The following BTBD7 variants were observed in gnomAD, a reference collection of about 807,000 sequenced individuals.
BTBD7 encodes the protein BTB/POZ domain-containing protein 7.
In BTBD7, 38 loss-of-function variants were observed where a neutral mutation model predicts 99.9. That is an observed-to-expected ratio of 0.38 (90% CI 0.29 to 0.50). The LOEUF is 0.50. Ranked by LOEUF, BTBD7 falls within the 20% of genes least tolerant of loss-of-function variation. BTBD7 has a pLI of 0.93. For synonymous variants in BTBD7, 520 were observed against 511.4 expected (o/e 1.02, Z -0.23); for missense variants, 1,170 against 1,394.6 (o/e 0.84, Z 2.57).
At chr14:93,261,951 CTATTT>C (rs968016175) in intron 4 of BTBD7, among the ~76,000 whole-genome samples, 2 of 152,042 alleles carry the variant, frequency 1.3e-5, no homozygotes, top group African/African-American at 4.8e-5. Context: ...TGCTCCCTTC[CTATTT>C]TATTTTTTCA....
rs1193209702 is a variant in BTBD7 at position 93,246,230 on chromosome 14, T to C, written c.2178A>G (p.Thr726=). Residue 726 remains threonine, a synonymous_variant, in exon 10 of 11, where the codon ACA becomes ACG. Coordinates refer to ENST00000334746, the MANE Select transcript of BTBD7 (RefSeq NM_001002860.4). ...ERFGDESPLL[T]MRQPGRCRVN... is the part of the protein sequence containing the mutation. Reference sequence around the variant, plus strand: ...CGCGACATCTCCCAGGCTGTCTCATTGTCAAGAGTGGACTTTCATCCCCAA... The same window carrying C: ...CGCGACATCTCCCAGGCTGTCTCATCGTCAAGAGTGGACTTTCATCCCCAA... The C allele has an allele frequency of 1.9e-6, 3 of 1,575,004 alleles. No homozygotes were observed. The highest frequency in any genetic ancestry group is 2.3e-5 in the East Asian group (1 of 44,428).
At chr14:93,304,391 G>A (rs892490355) in intron 1 of BTBD7, among the ~76,000 whole-genome samples, 4 of 152,086 alleles carry the variant, frequency 2.6e-5, no homozygotes, top group Non-Finnish European at 4.4e-5. Context: ...TCGTGCTGTC[G>A]CCCAGGCTGG....
chr14:93,302,137 C>T (rs544301663), intron 1 of BTBD7, among the ~76,000 whole-genome samples: 1 of 152,314 alleles, frequency 6.6e-6, no homozygotes, highest in East Asian at 1.9e-4. Flanking sequence ...GCATTCCTTC[C>T]AGAGGTGAGA....
Position 93,255,992 on chromosome 14 carries a change from AT to A in BTBD7, c.1608+1202del, listed in dbSNP as rs2052425156. On this transcript the variant is annotated intron_variant, in intron 6 of 10. Transcript: ENST00000334746. ...ATTTCTTTTTTTAAGTTTTGTTTTT[AT>A]TTATTTTTATTACTGCTCCTTGTGG... 4 of 151,856 alleles carry A rather than the reference AT, an allele frequency of 2.6e-5. No homozygotes were observed. The East Asian group carries it at 7.7e-4, about 29-fold the overall frequency. The allele number at this position is 151,856 out of a possible 1,614,324, so 9.4% of individuals were successfully genotyped here.
intron 3 of BTBD7, among the ~76,000 whole-genome samples, chr14:93,284,390 G>C (rs1160726894): frequency 6.6e-6 from 1 of 150,676 alleles, no homozygotes; most frequent in Non-Finnish European, 1.5e-5. Flanking sequence ...CTGGGGTTAA[G>C]TGCTTTCATT....
In BTBD7 at chr14:93,261,680, A is replaced by G. The variant is rs1389885091; in HGVS notation, c.1372-3T>C. Reference sequence around the variant, plus strand: ...TTAAGGATATCTTGTTCACTTGCCTATAATAAAAAATGGTTTATATTTATT... The same window carrying G: ...TTAAGGATATCTTGTTCACTTGCCTGTAATAAAAAATGGTTTATATTTATT... On this transcript the variant is annotated splice_polypyrimidine_tract_variant and splice_region_variant and intron_variant, in intron 4 of 10. Transcript: ENST00000334746. 6 of 1,594,272 alleles carry G rather than the reference A, an allele frequency of 3.8e-6. No homozygotes were observed. The East Asian group carries it at 1.1e-4, about 30-fold the overall frequency.
chr14:93,328,028 A>G (rs2053353300), intron 1 of BTBD7, among the ~76,000 whole-genome samples: 1 of 152,200 alleles, frequency 6.6e-6, no homozygotes, highest in Non-Finnish European at 1.5e-5. Context: ...ATCTACAATC[A>G]CATCAAAAAG....
At chr14:93,274,016 A>G (rs1022572481) in intron 3 of BTBD7, among the ~76,000 whole-genome samples, 5 of 151,632 alleles carry the variant, frequency 3.3e-5, no homozygotes, top group Non-Finnish European at 1.5e-5. Context: ...TTGCTGAGGG[A>G]TAACAGAGAC....
At chr14:93,258,830 T>C (rs2052458533) in intron 5 of BTBD7, among the ~76,000 whole-genome samples, 1 of 152,050 alleles carries the variant, frequency 6.6e-6, no homozygotes, top group Non-Finnish European at 1.5e-5. Flanking sequence ...GGTGATCCAC[T>C]CACCTTGGCC....
intron 5 of BTBD7, 104 bp downstream of exon 5, chr14:93,261,498 G>C (rs1035281269): frequency 1.1e-6 from 1 of 886,384 alleles, no homozygotes; most frequent in African/African-American, 1.7e-5. Context: ...TTTTCACCAG[G>C]CAACAGTGTC....
chr14:93,248,924 G>A (rs1392148925), intron 8 of BTBD7, among the ~76,000 whole-genome samples: 1 of 152,118 alleles, frequency 6.6e-6, no homozygotes, highest in Non-Finnish European at 1.5e-5. Context: ...TTACTTGCAT[G>A]TATTCTTGTC....
chr14:93,286,692 T>G (rs575367628), intron 3 of BTBD7, among the ~76,000 whole-genome samples: 1 of 152,204 alleles, frequency 6.6e-6, no homozygotes. Flanking sequence ...AGAGCTGGTA[T>G]GAGTTACAGC....
intron 1 of BTBD7, among the ~76,000 whole-genome samples, chr14:93,298,916 G>A (rs1158612125): frequency 6.6e-6 from 1 of 152,214 alleles, no homozygotes; most frequent in East Asian, 1.9e-4. Flanking sequence ...AGCAGTAGTA[G>A]CTGCTGGGAT....
chr14:93,243,047 C>T lies in BTBD7; in HGVS notation c.2625G>A (p.Ala875=), dbSNP rs144710164. 7,138 of 1,613,964 alleles carry T rather than the reference C, an allele frequency of 4.4e-3. 50 individuals are homozygous for T. Among genetic ancestry groups the T allele is most frequent in the South Asian group, 0.021 (1,888 of 91,058 alleles). ...PVLNDLMPDI[A]VGVSTLSLKD... ...TGAGTGACAGTGTGGACACACCCAC[C>T]GCGATGTCTGGCATCAGATCATTCA... The change falls in exon 11 of 11, where the codon GCG becomes GCA. Residue 875 remains alanine, a synonymous_variant. Transcript: ENST00000334746.
At chr14:93,316,422 T>A (rs1220234613) in intron 1 of BTBD7, among the ~76,000 whole-genome samples, 2 of 152,018 alleles carry the variant, frequency 1.3e-5, no homozygotes, top group African/African-American at 2.4e-5. Flanking sequence ...GCTAATTTAT[T>A]TTTATTTTTT....
Position 93,293,990 on chromosome 14 carries a change from A to C in BTBD7, c.1030T>G (p.Cys344Gly), listed in dbSNP as rs1269898356. The stretch of plus-strand genomic sequence containing the variant: ...CTGAGACTCCCCACAGAGGGGCTAC[A>C]GTGCAAAACAGAGAGGTCCACCACG... Reference protein sequence around the residue: ...TDVVDLSVLHCSPSVGSLSEV... With the variant: ...TDVVDLSVLHGSPSVGSLSEV... The change falls in exon 3 of 11, where the codon TGT (cysteine) becomes GGT (glycine). Residue 344 changes from cysteine (C) to glycine (G), a missense_variant. Coordinates refer to ENST00000334746, the MANE Select transcript of BTBD7 (RefSeq NM_001002860.4). 3 of 1,613,768 alleles carry C rather than the reference A, an allele frequency of 1.9e-6. No homozygotes were observed. Among genetic ancestry groups the C allele is most frequent in the Non-Finnish European group, 2.5e-6 (3 of 1,179,886 alleles).
chr14:93,251,455 T>G lies in BTBD7; in HGVS notation c.1942+8A>C, dbSNP rs779344202. 6.3e-7 allele frequency: 1 copy of G among 1,579,346 alleles called. No individual in the cohort carries two copies. Among genetic ancestry groups the G allele is most frequent in the Non-Finnish European group, 8.6e-7 (1 of 1,156,114 alleles). Reference sequence around the variant, plus strand: ...ATTTAAATATAAACACCCAACATACTGCCTTACCTGGAATTTCGTTGGCTA... The same window carrying G: ...ATTTAAATATAAACACCCAACATACGGCCTTACCTGGAATTTCGTTGGCTA... On this transcript the variant is annotated splice_region_variant and intron_variant, in intron 8 of 10. Transcript: ENST00000334746.
intron 6 of BTBD7, 25 bp downstream of exon 6, chr14:93,257,170 G>A (rs550082438): frequency 1.9e-6 from 3 of 1,597,152 alleles, no homozygotes; most frequent in East Asian, 4.5e-5. Context: ...TTTCATGAAA[G>A]GAATACATGG....
intron 1 of BTBD7, among the ~76,000 whole-genome samples, chr14:93,296,557 A>C (rs2052928982): frequency 6.6e-6 from 1 of 152,222 alleles, no homozygotes; most frequent in East Asian, 1.9e-4. Context: ...TAAGAGGTCA[A>C]CACTGGTACC....
Sources: gnomAD v4.1 joint callset for allele counts (sites outside exome capture counted in the v4.1 genomes callset) on GRCh38, gnomAD v4.1.1 for gene constraint, MANE v1.5 for transcripts, NCBI Gene and HGNC (gene_info 2026-07-23, HGNC 2026-07-21) for gene names.